Variants in TBC1D4 observed in about 807,000 individuals in gnomAD.
TBC1D4 encodes the protein TBC1 domain family member 4, also known as TBC (Tre-2, BUB2, CDC16) domain-containing protein.
TBC1D4 carries 121 observed loss-of-function variants against 142.5 expected under a neutral mutation model. That is an observed-to-expected ratio of 0.85 (90% CI 0.73 to 0.99). TBC1D4 has a LOEUF of 0.99. Among genes scored for constraint, TBC1D4 ranks in the 50% least tolerant of loss-of-function variants. The pLI is 0.00. For synonymous variants in TBC1D4, 630 were observed against 628.2 expected (o/e 1.00, Z -0.04); for missense variants, 1,475 against 1,606.6 (o/e 0.92, Z 1.40).
Position 75,382,446 on chromosome 13 carries a change from C to T in TBC1D4, c.499-19839G>A, listed in dbSNP as rs546736018. Among the ~76,000 whole-genome samples, 14 of 152,250 alleles carry T rather than the reference C, an allele frequency of 9.2e-5. No individual in the cohort carries two copies. In the South Asian group the frequency reaches 2.7e-3, roughly 29 times the overall value. On this transcript the variant is annotated intron_variant, in intron 1 of 20. Transcript: ENST00000377636. ...TTGCATATACTGGTCTTTCTGCCTACAAAACTTTCTTTTCGAGCTCTTTAA... is the reference window on the plus strand; with the variant it reads ...TTGCATATACTGGTCTTTCTGCCTATAAAACTTTCTTTTCGAGCTCTTTAA...
intron 1 of TBC1D4, among the ~76,000 whole-genome samples, chr13:75,440,840 G>C (rs115868420): frequency 0.03 from 4,593 of 151,354 alleles, 250 homozygotes; most frequent in African/African-American, 0.1. Context: ...CCAAACTGCT[G>C]GGATTACAAA....
At chr13:75,367,897 A>T (rs1883012593) in intron 1 of TBC1D4, among the ~76,000 whole-genome samples, 2 of 152,216 alleles carry the variant, frequency 1.3e-5, no homozygotes, top group African/African-American at 2.4e-5. Flanking sequence ...CTGGGAAGAT[A>T]TATAGATGCC....
In TBC1D4 at chr13:75,482,016, G is replaced by A; in HGVS notation, c.-249C>T. On this transcript the variant is annotated 5_prime_UTR_variant, in exon 1 of 21. Coordinates refer to ENST00000377636, the MANE Select transcript of TBC1D4 (RefSeq NM_014832.5). ...CGGCAGGCGAGGGCGGGTTAAATGG[G>A]CATCCTCCTCCTTGGGCTGGCGCCT... 2.4e-6 allele frequency: 1 copy of A among 420,612 alleles called. No individual in the cohort carries two copies. The highest frequency in any genetic ancestry group is 4.0e-6 in the Non-Finnish European group (1 of 249,696). The allele number at this position is 420,612 out of a possible 1,614,324, so 26.1% of individuals were successfully genotyped here. A position where few individuals can be genotyped will look rare whatever the true frequency, so the allele number is the denominator to read the frequency against.
intron 12 of TBC1D4, among the ~76,000 whole-genome samples, chr13:75,314,595 T>C (rs143111225): frequency 6.6e-6 from 1 of 152,162 alleles, no homozygotes; most frequent in South Asian, 2.1e-4. Flanking sequence ...GATACATATA[T>C]CTCAATATAG....
At chr13:75,400,603 G>A (rs933016900) in intron 1 of TBC1D4, among the ~76,000 whole-genome samples, 11 of 115,062 alleles carry the variant, frequency 9.6e-5, no homozygotes, top group African/African-American at 1.3e-4. Flanking sequence ...GACTACAGGC[G>A]CCCACCACCA....
intron 3 of TBC1D4, among the ~76,000 whole-genome samples, chr13:75,358,433 A>G (rs943435155): frequency 3.9e-5 from 6 of 151,946 alleles, no homozygotes; most frequent in African/African-American, 1.2e-4. Context: ...AACTGCTGAC[A>G]AAGTTATCAG....
chr13:75,458,897 C>T (rs1374392742), intron 1 of TBC1D4, among the ~76,000 whole-genome samples: 6 of 152,026 alleles, frequency 3.9e-5, no homozygotes, highest in Admixed American at 1.3e-4. Flanking sequence ...CCTTTCAGAC[C>T]TAGGGCCTTA....
chr13:75,307,748 A>G (rs1047980874), intron 14 of TBC1D4, among the ~76,000 whole-genome samples: 1 of 152,246 alleles, frequency 6.6e-6, no homozygotes, highest in African/African-American at 2.4e-5. Context: ...TTAAAAGTCC[A>G]AACATAATCT....
intron 1 of TBC1D4, among the ~76,000 whole-genome samples, chr13:75,465,966 T>C (rs1033189294): frequency 6.6e-6 from 1 of 152,164 alleles, no homozygotes; most frequent in African/African-American, 2.4e-5. Flanking sequence ...ACATGTCCTG[T>C]TTTTCCAGAC....
chr13:75,399,950 A>G (rs1306910010), intron 1 of TBC1D4, among the ~76,000 whole-genome samples: 1 of 152,078 alleles, frequency 6.6e-6, no homozygotes, highest in African/African-American at 2.4e-5. Flanking sequence ...GGAGAGACCA[A>G]AAGGAGAGCC....
chr13:75,466,737 G>A (rs1888183530), intron 1 of TBC1D4, among the ~76,000 whole-genome samples: 1 of 152,134 alleles, frequency 6.6e-6, no homozygotes, highest in East Asian at 1.9e-4. Context: ...TGGGCATGGT[G>A]GTGCATGCCT....
At chr13:75,436,524 T>C (rs1478412054) in intron 1 of TBC1D4, among the ~76,000 whole-genome samples, 3 of 151,864 alleles carry the variant, frequency 2.0e-5, no homozygotes, top group Non-Finnish European at 4.4e-5. Context: ...GGTGTGGTGG[T>C]GCATGCCTAT....
intron 1 of TBC1D4, among the ~76,000 whole-genome samples, chr13:75,391,231 T>A (rs1884471854): frequency 6.9e-6 from 1 of 145,836 alleles, no homozygotes; most frequent in African/African-American, 2.5e-5. Flanking sequence ...CACACTATTT[T>A]TATCTCTCAT....
At chr13:75,337,100 TAATTA>T in intron 7 of TBC1D4, 60 bp from the exon 8 acceptor site, 1 of 1,498,120 alleles carries the variant, frequency 6.7e-7, no homozygotes, top group Non-Finnish European at 9.2e-7. Flanking sequence ...AATGAAACTT[TAATTA>T]TAGGCTTAAG....
intron 1 of TBC1D4, among the ~76,000 whole-genome samples, chr13:75,416,386 A>C (rs537275144): frequency 3.7e-4 from 57 of 152,336 alleles, no homozygotes; most frequent in African/African-American, 1.3e-3. Context: ...ATTTGGCCTA[A>C]TTTTGCAAAC....
At chr13:75,472,625 T>C (rs1380172614) in intron 1 of TBC1D4, among the ~76,000 whole-genome samples, 1 of 151,902 alleles carries the variant, frequency 6.6e-6, no homozygotes, top group Non-Finnish European at 1.5e-5. Flanking sequence ...GGACCATAAC[T>C]AGATACTCTC....
chr13:75,303,388 G>A (rs894672362), intron 15 of TBC1D4, among the ~76,000 whole-genome samples: 13 of 152,208 alleles, frequency 8.5e-5, no homozygotes, highest in African/African-American at 3.1e-4. Flanking sequence ...CAACATTCGG[G>A]CTTTGAAAAG....
chr13:75,370,881 G>GAGAGAA (rs1311347041), intron 1 of TBC1D4, among the ~76,000 whole-genome samples: 6 of 152,142 alleles, frequency 3.9e-5, no homozygotes, highest in Non-Finnish European at 8.8e-5. Flanking sequence ...AGAAGACAGA[G>GAGAGAA]AGAGAAAGAC....
intron 11 of TBC1D4, among the ~76,000 whole-genome samples, chr13:75,323,519 A>C (rs1274273560): frequency 1.3e-5 from 2 of 152,174 alleles, no homozygotes; most frequent in Non-Finnish European, 2.9e-5. Context: ...AATTCTCCAA[A>C]AATCACTACG....
Sources: gnomAD v4.1 joint callset for allele counts (sites outside exome capture counted in the v4.1 genomes callset) on GRCh38, gnomAD v4.1.1 for gene constraint, MANE v1.5 for transcripts, NCBI Gene and HGNC (gene_info 2026-07-23, HGNC 2026-07-21) for gene names.